The following SEC31B variants were observed in gnomAD, a reference collection of about 807,000 sequenced individuals.
The protein encoded by SEC31B is protein transport protein Sec31B.
A neutral mutation model predicts 135.0 loss-of-function variants in SEC31B; 113 were observed. The observed-to-expected ratio is 0.84, with a 90% CI of 0.72 to 0.98. The LOEUF (loss-of-function observed/expected upper bound fraction) is 0.98, where lower values mean the gene tolerates loss of function less well. Ranked by LOEUF, SEC31B falls within the 50% of genes least tolerant of loss-of-function variation. The probability of loss-of-function intolerance (pLI) is 0.00; values close to 1 mark genes in which losing one functional copy is unlikely to be tolerated. For missense variants in SEC31B, 1,296 were observed against 1,421.1 expected (o/e 0.91, Z 1.42); for synonymous variants, 508 against 549.4 (o/e 0.92, Z 1.05).
At chr10:100,514,928 C>T (rs1851799790) in intron 3 of SEC31B, among the ~76,000 whole-genome samples, 1 of 146,764 alleles carries the variant, frequency 6.8e-6, no homozygotes, top group Non-Finnish European at 1.5e-5. Context: ...TTGCAGTGAT[C>T]TGAGATCACC....
At chr10:100,508,928 A>C in intron 5 of SEC31B, 79 bp downstream of exon 5, 1 of 1,130,198 alleles carries the variant, frequency 8.8e-7, no homozygotes. Flanking sequence ...TTGAGCTCTG[A>C]TTGGCTCCAG....
In SEC31B at chr10:100,487,785, TG is replaced by T. The variant is rs775532969; in HGVS notation, c.3370del (p.His1124MetfsTer44). 1.2e-6 allele frequency: 2 copies of T among 1,613,980 alleles called. No homozygotes were observed. Among genetic ancestry groups the T allele is most frequent in the Non-Finnish European group, 1.7e-6 (2 of 1,179,998 alleles). On this transcript the variant is annotated frameshift_variant, in exon 26 of 26. Coordinates refer to ENST00000370345, the MANE Select transcript of SEC31B (RefSeq NM_015490.4). LOFTEE classifies it high-confidence loss of function. Reference protein sequence around the residue: ...EKLCEGTLSPHVVAGLHEVAR... With the variant: ...EKLCEGTLSPXVVAGLHEVAR... ...AACCTCATGGAGCCCAGCCACGACA[TG>T]AGGTGAGAGCTGTGGAGGGAATGAC...
intron 19 of SEC31B, among the ~76,000 whole-genome samples, chr10:100,492,100 G>A (rs545414839): frequency 6.6e-6 from 1 of 152,148 alleles, no homozygotes; most frequent in Admixed American, 6.5e-5. Context: ...AGGAATAGAG[G>A]GAAATGTCCT....
chr10:100,518,327 C>T (rs1427271475), intron 1 of SEC31B, among the ~76,000 whole-genome samples: 2 of 152,182 alleles, frequency 1.3e-5, no homozygotes, highest in African/African-American at 4.8e-5. Flanking sequence ...ATGCTCTTCC[C>T]TTCACTTTCG....
chr10:100,517,036 G>C (rs1367156481), intron 1 of SEC31B, 39 bp from the exon 2 acceptor site: 2 of 998,758 alleles, frequency 2.0e-6, no homozygotes, highest in Non-Finnish European at 3.2e-6. Flanking sequence ...GCCAGATCCA[G>C]GGAGCATCTG....
intron 11 of SEC31B, among the ~76,000 whole-genome samples, chr10:100,500,672 T>G (rs544124169): frequency 1.8e-4 from 28 of 152,276 alleles, no homozygotes; most frequent in Admixed American, 9.2e-4. Context: ...ACAGGTACAG[T>G]AAACAAAGTC....
chr10:100,507,476 C>A lies in SEC31B; in HGVS notation c.731G>T (p.Trp244Leu). The A allele has an allele frequency of 6.2e-7, 1 of 1,614,212 alleles. No homozygotes were observed. Among genetic ancestry groups the A allele is most frequent in the Non-Finnish European group, 8.5e-7 (1 of 1,180,028 alleles). The stretch of plus-strand genomic sequence containing the variant: ...GGGCGAGGAGGCAAAGCGCAAGTCC[C>A]ACAGCTGAATCACGGGAAGTCGATC... ...EDDRLPVIQLWDLRFASSPLK... is the reference protein window; with the variant it reads ...EDDRLPVIQLLDLRFASSPLK... Residue 244 changes from tryptophan (W) to leucine (L), a missense_variant, in exon 7 of 26, where the codon TGG becomes TTG. Trp to Leu is a moderately conservative substitution (Grantham distance 61). Coordinates refer to ENST00000370345, the MANE Select transcript of SEC31B (RefSeq NM_015490.4).
intron 19 of SEC31B, 135 bp downstream of exon 19, chr10:100,495,249 AT>A (rs1218090324): frequency 7.1e-6 from 6 of 848,612 alleles, no homozygotes; most frequent in African/African-American, 1.7e-5. Context: ...GTTATTTATT[AT>A]AAAAAGAACT....
chr10:100,491,148 A>G (rs1192122421), intron 19 of SEC31B, among the ~76,000 whole-genome samples: 1 of 152,204 alleles, frequency 6.6e-6, no homozygotes, highest in Non-Finnish European at 1.5e-5. Context: ...TACATTCATA[A>G]ATCTGACAAC....
At chr10:100,494,432 C>T (rs1457102933) in intron 19 of SEC31B, among the ~76,000 whole-genome samples, 2 of 152,164 alleles carry the variant, frequency 1.3e-5, no homozygotes, top group Admixed American at 6.5e-5. Context: ...TCAATAGCTC[C>T]TCCCTGTCAA....
Position 100,516,863 on chromosome 10 carries a change from T to A in SEC31B, c.79+11A>T. 3 of 1,606,506 alleles carry A rather than the reference T, an allele frequency of 1.9e-6. No homozygotes were observed. Among genetic ancestry groups the A allele is most frequent in the Admixed American group, 1.7e-5 (1 of 59,818 alleles). Reference sequence around the variant, plus strand: ...ACTCCCAGTGGATCCTAATTCACAGTGTCACCATACCTGTGGCCAGATACA... The same window carrying A: ...ACTCCCAGTGGATCCTAATTCACAGAGTCACCATACCTGTGGCCAGATACA... On this transcript the variant is annotated intron_variant, in intron 2 of 25. Coordinates refer to ENST00000370345, the MANE Select transcript of SEC31B (RefSeq NM_015490.4).
intron 3 of SEC31B, among the ~76,000 whole-genome samples, chr10:100,512,294 A>G (rs1218856137): frequency 3.9e-5 from 6 of 152,228 alleles, no homozygotes; most frequent in Non-Finnish European, 7.3e-5. Context: ...GGTAAGGTAC[A>G]GCAGACCACA....
intron 9 of SEC31B, 28 bp downstream of exon 9, chr10:100,506,012 C>A (rs747258248): frequency 6.2e-7 from 1 of 1,612,334 alleles, no homozygotes; most frequent in Non-Finnish European, 8.5e-7. Context: ...CCCCTTCCCT[C>A]CAGCATTCTC....
chr10:100,508,570 C>A (rs1851676573), intron 5 of SEC31B: 1 of 459,896 alleles, frequency 2.2e-6, no homozygotes, highest in Non-Finnish European at 4.3e-6. Context: ...AGACCCCCAA[C>A]TGCATGGCAG....
intron 1 of SEC31B, among the ~76,000 whole-genome samples, chr10:100,517,955 T>A (rs966523021): frequency 1.3e-5 from 2 of 152,192 alleles, no homozygotes. Flanking sequence ...TTTCTCTATT[T>A]TCGCTGCCAA....
intron 5 of SEC31B, 21 bp downstream of exon 5, chr10:100,508,986 G>C: frequency 6.3e-7 from 1 of 1,578,452 alleles, no homozygotes; most frequent in African/African-American, 1.3e-5. Flanking sequence ...TCCAGGGTTG[G>C]GTAGTGGGGG....
At chr10:100,490,488 A>G in intron 20 of SEC31B, 166 bp from the exon 21 acceptor site, 1 of 914,290 alleles carries the variant, frequency 1.1e-6, no homozygotes, top group Non-Finnish European at 1.6e-6. Flanking sequence ...TCCTTATTTG[A>G]CCTTCAAAAC....
intron 24 of SEC31B, among the ~76,000 whole-genome samples, chr10:100,488,577 G>C (rs1156355939): frequency 1.3e-5 from 2 of 152,082 alleles, no homozygotes; most frequent in East Asian, 3.9e-4. Flanking sequence ...CAGCCAGCAG[G>C]GGAATGGCAG....
intron 20 of SEC31B, 67 bp downstream of exon 20, chr10:100,490,639 G>T: frequency 7.0e-7 from 1 of 1,428,206 alleles, no homozygotes; most frequent in Non-Finnish European, 9.3e-7. Context: ...AATCCATGCT[G>T]GCCATGCCAA....
Sources: gnomAD v4.1 joint callset for allele counts (sites outside exome capture counted in the v4.1 genomes callset) on GRCh38, gnomAD v4.1.1 for gene constraint, MANE v1.5 for transcripts, NCBI Gene and HGNC (gene_info 2026-07-23, HGNC 2026-07-21) for gene names.